NKAIN3: variants seen among roughly 807,000 people sequenced by gnomAD.
NKAIN3 encodes the protein sodium/potassium transporting ATPase interacting 3, also known as sodium/potassium-transporting ATPase subunit beta-1-interacting protein 3.
Under a neutral mutation model 30.2 loss-of-function variants are expected in NKAIN3, and 25 were observed. The observed-to-expected ratio is 0.83, with a 90% CI of 0.60 to 1.16. The LOEUF (loss-of-function observed/expected upper bound fraction) is 1.16, where lower values mean the gene tolerates loss of function less well. NKAIN3 is among the 50% of genes most tolerant of loss of function. The pLI is 0.00. For missense variants in NKAIN3, 225 were observed against 254.1 expected, an observed-to-expected ratio of 0.89 and a Z score of 0.78; for synonymous variants, 91 against 89.6, an observed-to-expected ratio of 1.02 and a Z score of -0.09.
At chr8:62,503,143 T>A (rs1807515870) in intron 1 of NKAIN3, among the ~76,000 whole-genome samples, 1 of 152,214 alleles carries the variant, frequency 6.6e-6, no homozygotes, top group Non-Finnish European at 1.5e-5. Flanking sequence ...AGGTTCTTTC[T>A]ATTTTCCCTA....
At chr8:62,456,408 A>G (rs1257111624) in intron 1 of NKAIN3, among the ~76,000 whole-genome samples, 7 of 152,068 alleles carry the variant, frequency 4.6e-5, no homozygotes, top group African/African-American at 7.2e-5. Flanking sequence ...AGTCCCAGCT[A>G]CTTGGGAGGC....
At chr8:62,400,141 TG>T (rs2129595161) in intron 1 of NKAIN3, among the ~76,000 whole-genome samples, 1 of 151,832 alleles carries the variant, frequency 6.6e-6, no homozygotes, top group Admixed American at 6.6e-5. Context: ...TGAGAGTTCC[TG>T]TGTGGTAGAT....
intron 4 of NKAIN3, among the ~76,000 whole-genome samples, chr8:62,786,330 G>T (rs1389694780): frequency 6.6e-6 from 1 of 152,020 alleles, no homozygotes; most frequent in African/African-American, 2.4e-5. Context: ...CCCATCTGGG[G>T]TAATATTTTT....
In NKAIN3 at chr8:62,628,565, G is replaced by A. The variant is rs559746319; in HGVS notation, c.273+38771G>A. On this transcript the variant is annotated intron_variant, in intron 3 of 6. Transcript: ENST00000623646. Reference sequence around the variant, plus strand: ...TTATACAATGCTAAATCATTGTTAAGTAATTCTTCTAGCCTGTTTTGTTAC... The same window carrying A: ...TTATACAATGCTAAATCATTGTTAAATAATTCTTCTAGCCTGTTTTGTTAC... Among the ~76,000 whole-genome samples the A allele has an allele frequency of 8.5e-5, 13 of 152,114 alleles. No homozygotes were observed. The South Asian group carries it at 2.7e-3, about 32-fold the overall frequency.
chr8:62,992,876 A>T (rs969911110), intron 5 of NKAIN3, among the ~76,000 whole-genome samples: 1 of 152,172 alleles, frequency 6.6e-6, no homozygotes, highest in Non-Finnish European at 1.5e-5. Context: ...GCCTTCGTGC[A>T]TAAGAGCAAT....
At chr8:62,614,010 T>C (rs1217001776) in intron 3 of NKAIN3, among the ~76,000 whole-genome samples, 2 of 152,176 alleles carry the variant, frequency 1.3e-5, no homozygotes, top group African/African-American at 4.8e-5. Flanking sequence ...TTCTTCAGGA[T>C]TGGTCCCTGG....
chr8:62,894,210 A>G (rs977206419), intron 4 of NKAIN3, among the ~76,000 whole-genome samples: 1 of 152,152 alleles, frequency 6.6e-6, no homozygotes, highest in Non-Finnish European at 1.5e-5. Flanking sequence ...GGCAAGACAG[A>G]AAATTAGGGT....
chr8:62,646,253 G>A (rs571106543), intron 3 of NKAIN3, among the ~76,000 whole-genome samples: 2 of 152,026 alleles, frequency 1.3e-5, no homozygotes, highest in Non-Finnish European at 2.9e-5. Flanking sequence ...CAATTAAGAG[G>A]TTTAAATAAA....
chr8:62,452,477 AAAAT>A lies in NKAIN3; in HGVS notation c.55-127042_55-127039del, dbSNP rs571761735. Among the ~76,000 whole-genome samples, 1,330 of 152,132 alleles carry A rather than the reference AAAAT, an allele frequency of 8.7e-3. 10 individuals are homozygous for A. The highest frequency in any genetic ancestry group is 0.025 in the African/African-American group (1,048 of 41,472). On this transcript the variant is annotated intron_variant, in intron 1 of 6. Coordinates refer to ENST00000623646, the MANE Select transcript of NKAIN3 (RefSeq NM_001304533.3). The stretch of plus-strand genomic sequence containing the variant: ...GGTGACAGAGTGAGACTCTGTCTCA[AAAAT>A]AAATAAATAAATAAATAAACAAACA...
At chr8:62,799,350 A>T (rs1317847385) in intron 4 of NKAIN3, among the ~76,000 whole-genome samples, 1 of 152,248 alleles carries the variant, frequency 6.6e-6, no homozygotes, top group Non-Finnish European at 1.5e-5. Context: ...ATCAGCAAGA[A>T]AAAAACAAAC....
intron 3 of NKAIN3, among the ~76,000 whole-genome samples, chr8:62,590,107 A>C (rs1008295068): frequency 6.6e-6 from 1 of 151,708 alleles, no homozygotes; most frequent in Non-Finnish European, 1.5e-5. Context: ...TAGTGACTGC[A>C]GGCCTAAATA....
At chr8:62,395,490 T>A (rs1817727570) in intron 1 of NKAIN3, among the ~76,000 whole-genome samples, 1 of 152,220 alleles carries the variant, frequency 6.6e-6, no homozygotes, top group South Asian at 2.1e-4. Flanking sequence ...ACAAACAAAT[T>A]GAGAATCGTC....
intron 1 of NKAIN3, among the ~76,000 whole-genome samples, chr8:62,504,077 C>T (rs903485296): frequency 1.3e-5 from 2 of 152,202 alleles, no homozygotes; most frequent in East Asian, 3.9e-4. Flanking sequence ...TCCCTCCATC[C>T]GGGGTCCCTG....
At chr8:62,345,620 C>CAT (rs1295761116) in intron 1 of NKAIN3, among the ~76,000 whole-genome samples, 2 of 134,808 alleles carry the variant, frequency 1.5e-5, no homozygotes, top group Admixed American at 7.4e-5. Flanking sequence ...TATATACACA[C>CAT]ATATATATAC....
intron 3 of NKAIN3, among the ~76,000 whole-genome samples, chr8:62,630,231 T>G (rs1238672685): frequency 6.6e-6 from 1 of 152,124 alleles, no homozygotes; most frequent in Non-Finnish European, 1.5e-5. Context: ...GTGGAATGCA[T>G]CCCCTGCAGA....
intron 3 of NKAIN3, among the ~76,000 whole-genome samples, chr8:62,619,447 C>A (rs1209330356): frequency 1.3e-5 from 2 of 152,122 alleles, no homozygotes; most frequent in East Asian, 1.9e-4. Flanking sequence ...CTCTTTCAAC[C>A]AATTGCCAAT....
chr8:62,854,451 T>A (rs1038650719), intron 4 of NKAIN3, among the ~76,000 whole-genome samples: 6 of 152,238 alleles, frequency 3.9e-5, no homozygotes, highest in Admixed American at 1.3e-4. Flanking sequence ...CATTATGTAA[T>A]GCCCTTTTCT....
chr8:62,612,061 A>T (rs564498007), intron 3 of NKAIN3, among the ~76,000 whole-genome samples: 2 of 152,112 alleles, frequency 1.3e-5, no homozygotes, highest in East Asian at 1.9e-4. Flanking sequence ...CACCTTTTTC[A>T]TAAGCCTGTT....
intron 2 of NKAIN3, among the ~76,000 whole-genome samples, chr8:62,580,452 A>C (rs1000053979): frequency 1.3e-5 from 2 of 152,194 alleles, no homozygotes; most frequent in Non-Finnish European, 2.9e-5. Flanking sequence ...ATACTTTAAA[A>C]TGTTCATTAA....
Sources: gnomAD v4.1 joint callset for allele counts (sites outside exome capture counted in the v4.1 genomes callset) on GRCh38, gnomAD v4.1.1 for gene constraint, MANE v1.5 for transcripts, NCBI Gene and HGNC (gene_info 2026-07-23, HGNC 2026-07-21) for gene names.